The following UNC13C variants were observed in gnomAD, a reference collection of about 807,000 sequenced individuals.
UNC13C encodes the protein unc-13 homolog C.
UNC13C carries 174 observed loss-of-function variants against 245.4 expected under a neutral mutation model. The ratio of observed to expected loss-of-function variants is 0.71; its 90% confidence interval spans 0.63 to 0.80. The LOEUF is 0.80. Ranked by LOEUF, UNC13C falls within the 30% of genes least tolerant of loss-of-function variation. The probability of loss-of-function intolerance (pLI) is 0.00; values close to 1 mark genes in which losing one functional copy is unlikely to be tolerated. For missense variants in UNC13C, 2,829 were observed against 2,602.9 expected (o/e 1.09, Z -1.89); for synonymous variants, 992 against 895.1 (o/e 1.11, Z -1.93).
At chr15:54,039,013 AGTTGATTCTCCACAT>A (rs554127222) in intron 2 of UNC13C, among the ~76,000 whole-genome samples, 23 of 152,298 alleles carry the variant, frequency 1.5e-4, no homozygotes, top group South Asian at 6.2e-4. Flanking sequence ...GTCTAGATGC[AGTTGATTCTCCACAT>A]GTCACTTACC....
the UNC13C span, among the ~76,000 whole-genome samples, chr15:53,969,689 A>C: frequency 7.9e-5 from 12 of 151,328 alleles, no homozygotes; most frequent in Admixed American, 7.2e-4. Context: ...TGTCTCAAAA[A>C]AAAAAAAAAA....
At chr15:54,605,844 C>A (rs372323246) in intron 30 of UNC13C, among the ~76,000 whole-genome samples, 38 of 152,182 alleles carry the variant, frequency 2.5e-4, no homozygotes, top group Non-Finnish European at 1.5e-4. Context: ...CATTTTCTCT[C>A]CGTATAAACA....
At chr15:53,886,230 G>T in the UNC13C span, among the ~76,000 whole-genome samples, 1 of 152,130 alleles carries the variant, frequency 6.6e-6, no homozygotes, top group East Asian at 1.9e-4. Flanking sequence ...CCAACAAAAA[G>T]AAATAGAGCT....
the UNC13C span, among the ~76,000 whole-genome samples, chr15:53,888,763 T>C: frequency 3.9e-5 from 6 of 152,142 alleles, no homozygotes; most frequent in Admixed American, 6.6e-5. Flanking sequence ...CAGTTTTCCA[T>C]GTATGGCTAG....
chr15:54,290,983 GA>G (rs1485779719), intron 10 of UNC13C, among the ~76,000 whole-genome samples: 1 of 151,984 alleles, frequency 6.6e-6, no homozygotes, highest in Non-Finnish European at 1.5e-5. Context: ...AGTTTAAGAT[GA>G]TAACTGTATC....
intron 17 of UNC13C, among the ~76,000 whole-genome samples, chr15:54,390,881 A>C (rs1057144580): frequency 2.0e-5 from 3 of 151,198 alleles, no homozygotes; most frequent in African/African-American, 4.9e-5. Context: ...TACGCTATTA[A>C]AGTAGGGAAA....
intron 10 of UNC13C, among the ~76,000 whole-genome samples, chr15:54,276,486 G>T (rs1310397711): frequency 6.6e-6 from 1 of 151,984 alleles, no homozygotes; most frequent in Non-Finnish European, 1.5e-5. Flanking sequence ...CATCCTTTGT[G>T]GTCTGGCATT....
chr15:54,047,752 C>T (rs1440106444), intron 2 of UNC13C, among the ~76,000 whole-genome samples: 1 of 152,122 alleles, frequency 6.6e-6, no homozygotes, highest in Non-Finnish European at 1.5e-5. Context: ...AATCCATCCT[C>T]AAGTATTTTT....
chr15:54,193,470 C>T (rs1244918903), intron 4 of UNC13C, among the ~76,000 whole-genome samples: 1 of 152,048 alleles, frequency 6.6e-6, no homozygotes, highest in African/African-American at 2.4e-5. Flanking sequence ...CCTTTTACTA[C>T]TTCCTTATTC....
At chr15:54,434,102 T>A (rs1422831772) in intron 19 of UNC13C, among the ~76,000 whole-genome samples, 1 of 151,680 alleles carries the variant, frequency 6.6e-6, no homozygotes, top group Non-Finnish European at 1.5e-5. Flanking sequence ...CAAATGGAAA[T>A]AAATTTCATG....
At chr15:54,029,244 C>T (rs1896253208) in intron 2 of UNC13C, among the ~76,000 whole-genome samples, 1 of 152,234 alleles carries the variant, frequency 6.6e-6, no homozygotes, top group Admixed American at 6.5e-5. Context: ...CCTGTACTCT[C>T]TGGCTTTTTA....
chr15:53,942,660 A>G, the UNC13C span, among the ~76,000 whole-genome samples: 1 of 151,560 alleles, frequency 6.6e-6, no homozygotes, highest in East Asian at 1.9e-4. Flanking sequence ...TTCCTGAAAT[A>G]TTTTTCTCTG....
the UNC13C span, among the ~76,000 whole-genome samples, chr15:53,941,748 G>T: frequency 1.3e-5 from 2 of 152,072 alleles, no homozygotes; most frequent in African/African-American, 2.4e-5. Flanking sequence ...AGTAGGCAAA[G>T]GATATGAACA....
At chr15:54,534,100 C>T (rs775866870) in intron 26 of UNC13C, among the ~76,000 whole-genome samples, 5 of 152,168 alleles carry the variant, frequency 3.3e-5, no homozygotes, top group Non-Finnish European at 7.3e-5. Flanking sequence ...CACCAGCACA[C>T]GTAAACACCA....
At chr15:54,260,877 G>A (rs925356939) in intron 8 of UNC13C, among the ~76,000 whole-genome samples, 1 of 151,288 alleles carries the variant, frequency 6.6e-6, no homozygotes, top group South Asian at 2.1e-4. Flanking sequence ...ATTGTAAATT[G>A]CCATATAAAG....
At chr15:54,050,953 C>A in intron 2 of UNC13C, 1 of 532,154 alleles carries the variant, frequency 1.9e-6, no homozygotes, top group East Asian at 5.1e-5. Flanking sequence ...GTGGCAATTG[C>A]TTTCATATAG....
chr15:54,262,395 T>G (rs2036448749), intron 8 of UNC13C, among the ~76,000 whole-genome samples: 1 of 152,220 alleles, frequency 6.6e-6, no homozygotes, highest in Non-Finnish European at 1.5e-5. Context: ...AGTCACTTTG[T>G]GTCTTGCAGG....
intron 17 of UNC13C, among the ~76,000 whole-genome samples, chr15:54,371,576 T>C (rs909898394): frequency 6.6e-6 from 1 of 152,196 alleles, no homozygotes; most frequent in Non-Finnish European, 1.5e-5. Context: ...AAAGTTTTAA[T>C]GTGATATAAT....
chr15:54,530,419 G>A (rs868660253), intron 25 of UNC13C, among the ~76,000 whole-genome samples: 1 of 152,190 alleles, frequency 6.6e-6, no homozygotes, highest in Non-Finnish European at 1.5e-5. Flanking sequence ...TTTGTGCCAA[G>A]CATGGCATCC....
Sources: allele counts gnomAD v4.1 joint callset (sites outside exome capture counted in the v4.1 genomes callset), GRCh38; gene constraint gnomAD v4.1.1; transcripts MANE v1.5; gene names NCBI Gene and HGNC (gene_info 2026-07-23, HGNC 2026-07-21).